The following FGF13 variants were observed in gnomAD, a reference collection of about 807,000 sequenced individuals.
FGF13 encodes the protein fibroblast growth factor 13.
In FGF13, 2 loss-of-function variants were observed where a neutral mutation model predicts 19.5. That is an observed-to-expected ratio of 0.10 (90% confidence interval 0.04 to 0.32). FGF13 has a LOEUF of 0.32. Among genes scored for constraint, FGF13 ranks in the 10% least tolerant of loss-of-function variants. The pLI is 1.00. For synonymous variants in FGF13, 72 were observed against 76.9 expected (o/e 0.94, Z 0.33); for missense variants, 113 against 192.7 (o/e 0.59, Z 2.45).
intron 3 of FGF13, among the ~76,000 whole-genome samples, chrX:138,702,199 T>A (rs186783719): frequency 0.028 from 3,053 of 110,315 alleles, 66 homozygotes; most frequent in African/African-American, 0.072. Flanking sequence ...ATAAATAAAT[T>A]AATTAATTAA....
chrX:138,712,325 T>C (rs2090063107), upstream of FGF13, among the ~76,000 whole-genome samples: 1 of 111,463 alleles, frequency 9.0e-6, no homozygotes, highest in African/African-American at 3.3e-5. Flanking sequence ...AAAACCTGTT[T>C]TTCCTCTGCG....
At chrX:138,891,474 G>A (rs1456830616) in intron 1 of FGF13, among the ~76,000 whole-genome samples, 1 of 110,748 alleles carries the variant, frequency 9.0e-6, no homozygotes, top group Non-Finnish European at 1.9e-5. Flanking sequence ...TCCCATCACT[G>A]GGGCTCACCC....
At chrX:138,742,733 C>T (rs16993516), upstream of FGF13, among the ~76,000 whole-genome samples, 854 of 112,047 alleles carry the variant, frequency 7.6e-3, 12 homozygotes, top group African/African-American at 0.026. Flanking sequence ...ATACTCTGCC[C>T]TCTTCTTAAA....
At chrX:138,899,328 G>A (rs962573159) in intron 1 of FGF13, among the ~76,000 whole-genome samples, 1 of 111,091 alleles carries the variant, frequency 9.0e-6, no homozygotes, top group African/African-American at 3.3e-5. Context: ...TCAATGTCAT[G>A]GTTGTTAAGC....
chrX:138,696,901 C>T (rs1246651713), intron 3 of FGF13, among the ~76,000 whole-genome samples: 1 of 112,141 alleles, frequency 8.9e-6, no homozygotes, highest in Non-Finnish European at 1.9e-5. Flanking sequence ...TAATCAAATG[C>T]ATCTCTCTAA....
chrX:138,783,700 CTT>C (rs1341132465), intron 3 of FGF13, among the ~76,000 whole-genome samples: 9 of 103,830 alleles, frequency 8.7e-5, no homozygotes, highest in Admixed American at 5.3e-4. Context: ...AATAGGAACA[CTT>C]TTACACTGTT....
intron 1 of FGF13, among the ~76,000 whole-genome samples, chrX:139,196,537 A>G (rs1246586441): frequency 8.9e-6 from 1 of 112,283 alleles, no homozygotes; most frequent in Non-Finnish European, 1.9e-5. Context: ...TGGAGCAACC[A>G]TGTATTTAGT....
intron 3 of FGF13, among the ~76,000 whole-genome samples, chrX:138,646,985 G>A (rs946489356): frequency 5.4e-5 from 6 of 110,888 alleles, no homozygotes; most frequent in Non-Finnish European, 1.1e-4. Flanking sequence ...ACCCTCACCC[G>A]TGAATGTTTA....
At chrX:138,751,233 C>T in intron 3 of FGF13, among the ~76,000 whole-genome samples, 1 of 111,323 alleles carries the variant, frequency 9.0e-6, no homozygotes, top group Non-Finnish European at 1.9e-5. Context: ...CCCTCTATTG[C>T]CCCATTGCCA....
At chrX:138,737,251 A>G (rs1009577210) in intron 1 of FGF13, among the ~76,000 whole-genome samples, 2 of 111,545 alleles carry the variant, frequency 1.8e-5, no homozygotes, top group Non-Finnish European at 3.8e-5. Flanking sequence ...TCATCTGTGT[A>G]CAAGGGTTGA....
At chrX:139,128,302 TA>T (rs1271089866) in intron 1 of FGF13, among the ~76,000 whole-genome samples, 2 of 111,727 alleles carry the variant, frequency 1.8e-5, no homozygotes, top group Non-Finnish European at 3.8e-5. Flanking sequence ...ATACCTATCT[TA>T]TTCTTTCCTA....
At chrX:138,671,462 C>A (rs1215228410) in intron 3 of FGF13, among the ~76,000 whole-genome samples, 2 of 111,644 alleles carry the variant, frequency 1.8e-5, no homozygotes, top group Admixed American at 9.5e-5. Flanking sequence ...CTCTTGGAAG[C>A]TCTTTCAATG....
At chrX:138,634,367 C>T (rs2089157327) in intron 4 of FGF13, among the ~76,000 whole-genome samples, 2 of 112,225 alleles carry the variant, frequency 1.8e-5, no homozygotes, top group African/African-American at 3.2e-5. Context: ...CGTGAGCCAC[C>T]GTGCCCGGCT....
At chrX:138,725,948 C>G (rs1006147969) in intron 1 of FGF13, among the ~76,000 whole-genome samples, 1 of 110,880 alleles carries the variant, frequency 9.0e-6, no homozygotes, top group African/African-American at 3.3e-5. Context: ...TTGTCATTGC[C>G]ATTTTTCAAA....
At chrX:139,083,593 C>T (rs1032152239) in intron 1 of FGF13, among the ~76,000 whole-genome samples, 3 of 111,072 alleles carry the variant, frequency 2.7e-5, no homozygotes, top group South Asian at 3.8e-4. Context: ...CAGGGAGGGC[C>T]GGGCACAGTG....
At chrX:138,978,105 CATT>C (rs1475987523) in intron 1 of FGF13, among the ~76,000 whole-genome samples, 1 of 110,722 alleles carries the variant, frequency 9.0e-6, no homozygotes, top group Non-Finnish European at 1.9e-5. Context: ...CAGTGGACAG[CATT>C]GTTCTAAACC....
chrX:139,013,082 A>G (rs962201521), intron 1 of FGF13, among the ~76,000 whole-genome samples: 13 of 111,935 alleles, frequency 1.2e-4, no homozygotes, highest in Non-Finnish European at 1.9e-4. Context: ...GTCAACAAGC[A>G]TATGGAAAAT....
At chrX:138,862,029 A>G (rs969942932) in intron 2 of FGF13, among the ~76,000 whole-genome samples, 1 of 111,931 alleles carries the variant, frequency 8.9e-6, no homozygotes, top group Non-Finnish European at 1.9e-5. Context: ...TAAATAAAGT[A>G]AGACAACTTT....
At chrX:138,891,234 G>C (rs1265819245) in intron 1 of FGF13, among the ~76,000 whole-genome samples, 1 of 111,744 alleles carries the variant, frequency 8.9e-6, no homozygotes, top group Non-Finnish European at 1.9e-5. Flanking sequence ...GCAGTGAGCC[G>C]AGATTGCGCC....
Sources: allele counts gnomAD v4.1 joint callset (sites outside exome capture counted in the v4.1 genomes callset), GRCh38; gene constraint gnomAD v4.1.1; transcripts MANE v1.5; gene names NCBI Gene and HGNC (gene_info 2026-07-23, HGNC 2026-07-21).